Variants in CAMK2G observed in about 807,000 individuals in gnomAD.
The protein encoded by CAMK2G is calcium/calmodulin-dependent protein kinase type II subunit gamma.
CAMK2G carries 23 observed loss-of-function variants against 88.7 expected under a neutral mutation model. The ratio of observed to expected loss-of-function variants is 0.26; its 90% CI spans 0.19 to 0.37. The LOEUF is 0.37. Among genes scored for constraint, CAMK2G ranks in the 10% least tolerant of loss-of-function variants. The probability of loss-of-function intolerance (pLI) is 1.00; values close to 1 mark genes in which losing one functional copy is unlikely to be tolerated. For missense variants in CAMK2G, 476 were observed against 780.8 expected (o/e 0.61, Z 4.65); for synonymous variants, 263 against 294.8 (o/e 0.89, Z 1.11).
At chr10:73,857,075 C>A (rs2095088853) in intron 3 of CAMK2G, among the ~76,000 whole-genome samples, 1 of 152,162 alleles carries the variant, frequency 6.6e-6, no homozygotes, top group Admixed American at 6.5e-5. Flanking sequence ...GCTCCCCCCA[C>A]CCCCACCATG....
intron 3 of CAMK2G, among the ~76,000 whole-genome samples, chr10:73,855,567 C>G (rs1041077548): frequency 5.3e-5 from 8 of 152,176 alleles, no homozygotes; most frequent in Non-Finnish European, 1.0e-4. Context: ...CCCCGCCCAG[C>G]ACAGCAAGGC....
In CAMK2G at chr10:73,848,020, G is replaced by A; in HGVS notation, c.664C>T (p.Leu222=). 1.2e-6 allele frequency: 2 copies of A among 1,612,598 alleles called. No individual in the cohort carries two copies. The highest frequency in any genetic ancestry group is 2.2e-5 in the East Asian group (1 of 44,878). Residue 222 remains leucine (L), a synonymous_variant, in exon 9 of 23, where the codon CTG becomes TTG. Coordinates refer to ENST00000423381, the MANE Select transcript of CAMK2G (RefSeq NM_001367534.1). This position sits in a 1 kb window ranked among gnomAD's most constrained non-coding sequence, Gnocchi z 4.5. ...GCTCCAGCCTTGATCTGCTGATACA[G>A]CTTGTGCTGATCCTCATCCCAGAAG... ...PPFWDEDQHK[L]YQQIKAGAYD...
In CAMK2G at chr10:73,850,140, C is replaced by T. The variant is rs551691054; in HGVS notation, c.342-807G>A. ...CCTCCCCAGTAGCTGGGACCACAAG[C>T]ATGAGCCACCGTGCCCAGCTAATTT... On this transcript the variant is annotated intron_variant, in intron 5 of 22. Coordinates refer to ENST00000423381, the MANE Select transcript of CAMK2G (RefSeq NM_001367534.1). Among the ~76,000 whole-genome samples the T allele has an allele frequency of 2.2e-4, 34 of 152,310 alleles. No homozygotes were observed. In the South Asian group the frequency reaches 5.0e-3, roughly 22 times the overall value.
chr10:73,848,900 T>A lies in CAMK2G; in HGVS notation c.517+113A>T. On this transcript the variant is annotated intron_variant, in intron 7 of 22. Transcript: ENST00000423381. The surrounding 1 kb of genome is among the most constrained non-coding windows in gnomAD (Gnocchi z 4.5). Reference sequence around the variant, plus strand: ...CTGAGTCGCGTACGGCCAAGAGAGATCTCGGAGGCCAGGACCATTAAGGGT... The same window carrying A: ...CTGAGTCGCGTACGGCCAAGAGAGAACTCGGAGGCCAGGACCATTAAGGGT... 1 of 780,620 alleles carries A rather than the reference T, an allele frequency of 1.3e-6. No homozygotes were observed. Among genetic ancestry groups the A allele is most frequent in the East Asian group, 2.4e-5 (1 of 40,860 alleles). The allele number at this position is 780,620 out of a possible 1,614,324, so 48.4% of individuals were successfully genotyped here. A position where few individuals can be genotyped will look rare whatever the true frequency, so the allele number is the denominator to read the frequency against.
intron 1 of CAMK2G, chr10:73,873,529 A>C: frequency 1.0e-6 from 1 of 1,002,632 alleles, no homozygotes; most frequent in Non-Finnish European, 1.2e-6. Flanking sequence ...ATCCCCTGAA[A>C]GAGAAATCTC....
At chr10:73,847,479 G>A (rs1026951669) in intron 9 of CAMK2G, 132 bp from the exon 10 acceptor site, 1 of 929,866 alleles carries the variant, frequency 1.1e-6, no homozygotes, top group African/African-American at 1.6e-5. Flanking sequence ...GGCAGAGTTG[G>A]AGAAGCCCTG....
chr10:73,836,297 C>T (rs762244783), intron 14 of CAMK2G, among the ~76,000 whole-genome samples: 16 of 152,186 alleles, frequency 1.1e-4, no homozygotes, highest in Non-Finnish European at 1.9e-4. Flanking sequence ...CCAGGTGCGG[C>T]CCCCTTCCTA....
At position 73,842,314 on chromosome 10, in the gene CAMK2G, C is replaced by T; in HGVS notation, c.904-103G>A. 1 of 1,160,334 alleles carries T rather than the reference C, an allele frequency of 8.6e-7. No homozygotes were observed. Among genetic ancestry groups the T allele is most frequent in the Non-Finnish European group, 1.3e-6 (1 of 767,560 alleles). 71.9% of individuals were successfully genotyped at this position (1,160,334 alleles called of 1,614,324 possible). A position where few individuals can be genotyped will look rare whatever the true frequency, so the allele number is the denominator to read the frequency against. ...TGGCTAGAGCCTGAAGACATCAGGC[C>T]TCTGGGCCCCCTCCCCTGTGACATG... On this transcript the variant is annotated intron_variant, in intron 11 of 22. Coordinates refer to ENST00000423381, the MANE Select transcript of CAMK2G (RefSeq NM_001367534.1). This position sits in a 1 kb window ranked among gnomAD's most constrained non-coding sequence, Gnocchi z 4.6.
rs886733327 is a variant in CAMK2G at position 73,824,172 on chromosome 10, C to T, written c.1156-88G>A. On this transcript the variant is annotated intron_variant, in intron 16 of 22. Coordinates refer to ENST00000423381, the MANE Select transcript of CAMK2G (RefSeq NM_001367534.1). ...AGCCCCACCTGCACCCCAGGACCCC[C>T]GCAGACCCTATGATGACCACTGAGG... The T allele has an allele frequency of 1.0e-4, 98 of 949,904 alleles. 1 individual carries two copies. The highest frequency in any genetic ancestry group is 7.7e-4 in the South Asian group (59 of 76,274). 58.8% of individuals were successfully genotyped at this position (949,904 alleles called of 1,614,324 possible).
chr10:73,830,262 T>G (rs549457274), intron 14 of CAMK2G, among the ~76,000 whole-genome samples: 1 of 152,322 alleles, frequency 6.6e-6, no homozygotes, highest in Non-Finnish European at 1.5e-5. Flanking sequence ...CCACATTGTC[T>G]AAATGTGAGG....
chr10:73,854,820 G>C (rs2094906154), intron 3 of CAMK2G, among the ~76,000 whole-genome samples: 1 of 152,080 alleles, frequency 6.6e-6, no homozygotes, highest in South Asian at 2.1e-4. Context: ...GATGACTGAG[G>C]ACTCCGAAGC....
chr10:73,841,546 T>C (rs1395405253), intron 12 of CAMK2G, among the ~76,000 whole-genome samples: 2 of 152,206 alleles, frequency 1.3e-5, no homozygotes, highest in Non-Finnish European at 2.9e-5. Flanking sequence ...ATGTCAAGTA[T>C]GATTTACAAA....
At position 73,815,813 on chromosome 10, in the gene CAMK2G, C is replaced by T. The variant is rs777158084; in HGVS notation, c.1535-566G>A. ...ATCAAAGCACCAAGCTCAGGATATT[C>T]CCAGGATTCTCTGGGGAAAAGGCAA... On this transcript the variant is annotated intron_variant, in intron 21 of 22. Coordinates refer to ENST00000423381, the MANE Select transcript of CAMK2G (RefSeq NM_001367534.1). The T allele has an allele frequency of 7.9e-4, 782 of 985,416 alleles. 1 individual carries two copies. The highest frequency in any genetic ancestry group is 9.2e-4 in the Non-Finnish European group (764 of 830,050). 61.0% of individuals were successfully genotyped at this position (985,416 alleles called of 1,614,324 possible).
chr10:73,864,887 G>T (rs2461867), intron 2 of CAMK2G, among the ~76,000 whole-genome samples: 95,344 of 151,978 alleles, frequency 0.63, 31,403 homozygotes, highest in Middle Eastern at 0.82. Flanking sequence ...CTTATGATCC[G>T]CCTGCCTCGG....
At chr10:73,836,404 ACT>A (rs552004669) in intron 14 of CAMK2G, among the ~76,000 whole-genome samples, 2 of 151,960 alleles carry the variant, frequency 1.3e-5, no homozygotes, top group South Asian at 4.2e-4. Context: ...CTTATTAAAC[ACT>A]CTCTCCAACT....
intron 5 of CAMK2G, among the ~76,000 whole-genome samples, chr10:73,850,980 C>CA (rs1278824990): frequency 6.6e-6 from 1 of 152,218 alleles, no homozygotes; most frequent in Non-Finnish European, 1.5e-5. Flanking sequence ...AGTCACCCCC[C>CA]CTCAGGGCCC....
intron 3 of CAMK2G, among the ~76,000 whole-genome samples, chr10:73,859,079 C>A (rs1257334005): frequency 6.6e-6 from 1 of 152,254 alleles, no homozygotes; most frequent in Non-Finnish European, 1.5e-5. Flanking sequence ...AGTTACCCTC[C>A]TCAGATATTG....
At chr10:73,870,258 A>C (rs1442165647) in intron 2 of CAMK2G, among the ~76,000 whole-genome samples, 1 of 152,186 alleles carries the variant, frequency 6.6e-6, no homozygotes, top group Admixed American at 6.5e-5. Flanking sequence ...TAAGCTTGGA[A>C]CCATGGGCTC....
At chr10:73,821,579 C>T in intron 18 of CAMK2G, 103 bp downstream of exon 18, 1 of 856,986 alleles carries the variant, frequency 1.2e-6, no homozygotes. Context: ...GGCATAGGAG[C>T]CAGCATTCCC....
Sources: gnomAD v4.1 joint callset for allele counts (sites outside exome capture counted in the v4.1 genomes callset) on GRCh38, gnomAD v4.1.1 for gene constraint, Gnocchi (gnomAD v3.1) non-coding constraint, MANE v1.5 for transcripts, NCBI Gene and HGNC (gene_info 2026-07-23, HGNC 2026-07-21) for gene names.